The following USP50 variants were observed in gnomAD, a reference collection of about 807,000 sequenced individuals.
USP50 encodes the protein ubiquitin specific peptidase 50.
In USP50, 37 loss-of-function variants were observed where a neutral mutation model predicts 39.2. The observed-to-expected ratio is 0.94, with a 90% CI of 0.73 to 1.24. The LOEUF is 1.24. USP50 is among the 50% of genes most tolerant of loss of function. The probability of loss-of-function intolerance (pLI) is 0.00; values close to 1 mark genes in which losing one functional copy is unlikely to be tolerated. For synonymous variants in USP50, 139 were observed against 144.5 expected, an observed-to-expected ratio of 0.96 and a Z score of 0.27; for missense variants, 374 against 398.2, an observed-to-expected ratio of 0.94 and a Z score of 0.52.
downstream of USP50, chr15:50,500,524 A>G (rs2052564043): frequency 2.4e-6 from 1 of 421,656 alleles, no homozygotes; most frequent in Non-Finnish European, 4.4e-6. Context: ...AAGGTTGTAT[A>G]ACATGCCCAC....
In USP50 at chr15:50,544,691, G is replaced by A. The variant is rs762804116; in HGVS notation, c.144C>T (p.Asn48=). 2 of 1,613,980 alleles carry A rather than the reference G, an allele frequency of 1.2e-6. No individual in the cohort carries two copies. The highest frequency in any genetic ancestry group is 1.3e-5 in the African/African-American group (1 of 75,046). Reference sequence around the variant, plus strand: ...CATTCACGCAGCATGTGTTGCCCAAGTTCCACAAGCCAGTGACACCCTGAA... The same window carrying A: ...CATTCACGCAGCATGTGTTGCCCAAATTCCACAAGCCAGTGACACCCTGAA... ...PHFQGVTGLW[N]LGNTCCVNAI... is the part of the protein sequence containing the mutation. Residue 48 remains asparagine (N), a synonymous_variant, in exon 2 of 7, where the codon AAC becomes AAT. Coordinates refer to ENST00000532404, the MANE Select transcript of USP50 (RefSeq NM_203494.5).
At chr15:50,516,749 CTATATATA>C (rs59705292) in intron 6 of USP50, among the ~76,000 whole-genome samples, 36 of 149,608 alleles carry the variant, frequency 2.4e-4, no homozygotes, top group East Asian at 4.0e-4. Flanking sequence ...AGAGTGGTAG[CTATATATA>C]TATATATATA....
intron 5 of USP50, 28 bp from the exon 6 acceptor site, chr15:50,529,957 C>T: frequency 6.2e-7 from 1 of 1,610,954 alleles, no homozygotes; most frequent in South Asian, 1.1e-5. Context: ...GTGTGAAATA[C>T]AAAGTAAGCT....
At chr15:50,493,471 G>A (rs779889237), downstream of USP50, 2 of 519,038 alleles carry the variant, frequency 3.9e-6, no homozygotes, top group Non-Finnish European at 7.7e-6. Context: ...GAATAATGAA[G>A]GCTGGGCATG....
intron 6 of USP50, chr15:50,508,201 TC>T (rs2052690209): frequency 6.6e-6 from 1 of 151,860 alleles, no homozygotes; most frequent in Non-Finnish European, 1.5e-5. Context: ...AAAAAACACT[TC>T]TAAGTAACTT....
downstream of USP50, among the ~76,000 whole-genome samples, chr15:50,496,475 C>G (rs189166325): frequency 9.1e-6 from 1 of 109,748 alleles, no homozygotes; most frequent in African/African-American, 4.0e-5. Context: ...AACAAGACTC[C>G]GTCTTAAAAA....
At chr15:50,501,559 G>A (rs1464795685) in intron 6 of USP50, 1 of 151,194 alleles carries the variant, frequency 6.6e-6, no homozygotes, top group East Asian at 1.9e-4. Context: ...TTTAACATTA[G>A]AATAAGGATC....
intron 1 of USP50, among the ~76,000 whole-genome samples, chr15:50,494,660 C>A (rs1566890508): frequency 6.6e-6 from 1 of 152,038 alleles, no homozygotes; most frequent in Non-Finnish European, 1.5e-5. Flanking sequence ...TTATTCTTTT[C>A]TTTTTCCCAG....
chr15:50,506,300 C>G (rs569613503), intron 6 of USP50: 2 of 152,478 alleles, frequency 1.3e-5, no homozygotes, highest in South Asian at 4.1e-4. Flanking sequence ...TGAGCACCGC[C>G]TCCTGTCAGA....
chr15:50,519,062 G>A (rs1041911390), intron 6 of USP50, among the ~76,000 whole-genome samples: 8 of 152,074 alleles, frequency 5.3e-5, no homozygotes, highest in African/African-American at 1.4e-4. Context: ...AGACGCGGGC[G>A]AATCACTTGA....
chr15:50,519,917 C>T (rs1039215751), intron 6 of USP50, among the ~76,000 whole-genome samples: 16 of 152,090 alleles, frequency 1.1e-4, no homozygotes, highest in Non-Finnish European at 1.8e-4. Flanking sequence ...TATGATCCAG[C>T]AATCCACTAC....
At chr15:50,502,397 C>G (rs1301290134) in intron 6 of USP50, 4 of 152,342 alleles carry the variant, frequency 2.6e-5, no homozygotes, top group African/African-American at 9.7e-5. Flanking sequence ...GAGACAGAGT[C>G]TTGCTCTGTT....
chr15:50,499,994 CTTT>C (rs1235769254), downstream of USP50: 1 of 152,078 alleles, frequency 6.6e-6, no homozygotes, highest in Non-Finnish European at 1.5e-5. Flanking sequence ...TAAACTACAT[CTTT>C]ACAGAGTGAT....
intron 6 of USP50, chr15:50,510,361 T>A (rs1263271131): frequency 6.6e-6 from 1 of 152,074 alleles, no homozygotes; most frequent in Non-Finnish European, 1.5e-5. Context: ...TAGAAAAGAT[T>A]GATGTTCCAA....
chr15:50,528,671 T>C (rs546230564), intron 6 of USP50, among the ~76,000 whole-genome samples: 2 of 152,276 alleles, frequency 1.3e-5, no homozygotes, highest in East Asian at 3.9e-4. Context: ...GGGAGCAGGA[T>C]AAATTGGAAA....
chr15:50,505,368 A>G (rs917199077), intron 6 of USP50: 3 of 152,218 alleles, frequency 2.0e-5, no homozygotes, highest in African/African-American at 7.2e-5. Flanking sequence ...GAGACAATAC[A>G]GTAGCTTCAA....
intron 6 of USP50, chr15:50,504,645 G>C (rs1368534187): frequency 1.3e-5 from 2 of 152,178 alleles, no homozygotes; most frequent in Non-Finnish European, 2.9e-5. Flanking sequence ...AGGTACAACT[G>C]TACTGGAAAT....
At chr15:50,534,006 A>G (rs2052961256) in intron 5 of USP50, among the ~76,000 whole-genome samples, 2 of 152,238 alleles carry the variant, frequency 1.3e-5, no homozygotes, top group African/African-American at 2.4e-5. Context: ...TCTCAAAAAA[A>G]AAGAAATGTT....
chr15:50,495,781 T>G (rs1012155995), downstream of USP50: 35 of 1,299,278 alleles, frequency 2.7e-5, no homozygotes, highest in Non-Finnish European at 3.6e-5. Context: ...TGTATTCACT[T>G]TTATTCTTTC....
Sources: allele counts gnomAD v4.1 joint callset (sites outside exome capture counted in the v4.1 genomes callset), GRCh38; gene constraint gnomAD v4.1.1; transcripts MANE v1.5; gene names NCBI Gene and HGNC (gene_info 2026-07-23, HGNC 2026-07-21).